SIL1: variants seen among roughly 807,000 people sequenced by gnomAD.
The protein encoded by SIL1 is SIL1 nucleotide exchange factor.
A neutral mutation model predicts 49.1 loss-of-function variants in SIL1; 40 were observed. The observed-to-expected ratio is 0.81, with a 90% CI of 0.63 to 1.06. SIL1 has a LOEUF of 1.06. SIL1 is among the 50% of genes least tolerant of loss of function. The pLI is 0.00. For synonymous variants in SIL1, 253 were observed against 250.8 expected (o/e 1.01, Z -0.08); for missense variants, 500 against 572.6 (o/e 0.87, Z 1.29).
chr5:139,120,006 C>T (rs1295006883), intron 3 of SIL1, among the ~76,000 whole-genome samples: 1 of 152,242 alleles, frequency 6.6e-6, no homozygotes, highest in African/African-American at 2.4e-5. Context: ...ACCTGGCTTC[C>T]TCGGTGCTTC....
chr5:139,071,837 T>C (rs1381594464), intron 3 of SIL1, among the ~76,000 whole-genome samples: 1 of 152,018 alleles, frequency 6.6e-6, no homozygotes, highest in African/African-American at 2.4e-5. Context: ...TGGCTAATTT[T>C]TGTATTTTTA....
intron 1 of SIL1, among the ~76,000 whole-genome samples, chr5:139,161,396 G>T (rs192821126): frequency 2.0e-5 from 3 of 152,338 alleles, no homozygotes; most frequent in Admixed American, 2.0e-4. Context: ...CAGGTTAAAG[G>T]TAACCATGTG....
intron 7 of SIL1, among the ~76,000 whole-genome samples, chr5:138,960,244 G>A (rs1367065086): frequency 1.3e-5 from 2 of 152,076 alleles, no homozygotes; most frequent in Admixed American, 6.6e-5. Context: ...CGTGCCATCT[G>A]TTCCCACATC....
chr5:139,019,171 G>A (rs539843784), intron 7 of SIL1, among the ~76,000 whole-genome samples: 10 of 152,346 alleles, frequency 6.6e-5, no homozygotes, highest in Admixed American at 2.0e-4. Context: ...ACTGTGTTGT[G>A]TATTTGTGCA....
intron 5 of SIL1, chr5:139,036,023 T>G (rs1768902055): frequency 6.6e-6 from 1 of 152,118 alleles, no homozygotes. Context: ...GTTTTTTTCT[T>G]GTAAATTTGT....
At chr5:139,007,469 T>C (rs1408990719) in intron 7 of SIL1, among the ~76,000 whole-genome samples, 33 of 108,932 alleles carry the variant, frequency 3.0e-4, no homozygotes, top group African/African-American at 1.4e-3. Context: ...TCCTGCCTAA[T>C]TGCCCTGGCC....
intron 1 of SIL1, among the ~76,000 whole-genome samples, chr5:139,155,878 G>A (rs1352981771): frequency 1.3e-5 from 2 of 152,024 alleles, no homozygotes; most frequent in African/African-American, 4.8e-5. Context: ...TGTTGCCCAG[G>A]CTGGAGTGCA....
At chr5:139,145,867 T>C (rs770724287) in intron 1 of SIL1, among the ~76,000 whole-genome samples, 142 of 151,756 alleles carry the variant, frequency 9.4e-4, no homozygotes, top group Non-Finnish European at 1.7e-3. Context: ...GAGGCCAGCC[T>C]GGGCAACACA....
intron 1 of SIL1, among the ~76,000 whole-genome samples, chr5:139,130,889 G>A (rs1750849734): frequency 1.3e-5 from 2 of 152,180 alleles, no homozygotes; most frequent in Non-Finnish European, 2.9e-5. Context: ...GATATTGTAT[G>A]ATTCTAATTA....
intron 9 of SIL1, 35 bp downstream of exon 9, chr5:138,951,136 A>C: frequency 6.2e-7 from 1 of 1,605,770 alleles, no homozygotes; most frequent in Non-Finnish European, 8.5e-7. Flanking sequence ...CACACAAAGC[A>C]AACAAGAGGA....
At chr5:139,192,808 A>T (rs2151824158) in intron 1 of SIL1, among the ~76,000 whole-genome samples, 1 of 151,536 alleles carries the variant, frequency 6.6e-6, no homozygotes, top group South Asian at 2.1e-4. Flanking sequence ...GACCAGCCTG[A>T]GCAACACAGT....
intron 3 of SIL1, among the ~76,000 whole-genome samples, chr5:139,098,911 G>A (rs1169636475): frequency 1.4e-5 from 2 of 140,734 alleles, no homozygotes; most frequent in Non-Finnish European, 3.0e-5. Context: ...CTGCCTCCCA[G>A]GTTCAAGTGA....
At chr5:139,008,295 A>C (rs937948182) in intron 7 of SIL1, among the ~76,000 whole-genome samples, 1 of 149,338 alleles carries the variant, frequency 6.7e-6, no homozygotes, top group African/African-American at 2.5e-5. Flanking sequence ...TTTCTGTGGG[A>C]TTGGTGGTGA....
chr5:139,050,338 A>G (rs1410156793), intron 4 of SIL1, among the ~76,000 whole-genome samples: 3 of 152,208 alleles, frequency 2.0e-5, no homozygotes, highest in Non-Finnish European at 2.9e-5. Context: ...AATATCAAGC[A>G]AAGAAAGCAT....
At chr5:138,951,384 T>C in intron 8 of SIL1, 49 bp from the exon 9 acceptor site, 2 of 1,541,916 alleles carry the variant, frequency 1.3e-6, no homozygotes, top group Non-Finnish European at 1.8e-6. Context: ...GAGCTGGACC[T>C]GCCCTGAGGC....
At chr5:138,971,529 A>G (rs1227265010) in intron 7 of SIL1, among the ~76,000 whole-genome samples, 1 of 152,160 alleles carries the variant, frequency 6.6e-6, no homozygotes, top group Non-Finnish European at 1.5e-5. Flanking sequence ...TTTCTCACCA[A>G]CTAACTTGAA....
At position 139,095,265 on chromosome 5, in the gene SIL1, C is replaced by CTTT. The variant is rs1172866470; in HGVS notation, c.244+25767_244+25769dup. On this transcript the variant is annotated intron_variant, in intron 3 of 9. Coordinates refer to ENST00000394817, the MANE Select transcript of SIL1 (RefSeq NM_022464.5). ...TCTATATATATATATTATTGGAATT[C>CTTT]TTTTTTTTTTTTTTTTTTGAGAGCA... is the stretch of plus-strand genomic sequence containing the variant. 5.1e-4 allele frequency among the ~76,000 whole-genome samples: 67 copies of CTTT among 131,814 alleles called. 1 individual carries two copies. The highest frequency in any genetic ancestry group is 1.7e-3 in the African/African-American group (58 of 34,326). 86.5% of individuals were successfully genotyped at this position (131,814 alleles called of 152,430 possible). A position where few individuals can be genotyped will look rare whatever the true frequency, so the allele number is the denominator to read the frequency against.
At chr5:139,063,911 G>A (rs1769646765) in intron 3 of SIL1, among the ~76,000 whole-genome samples, 1 of 152,178 alleles carries the variant, frequency 6.6e-6, no homozygotes. Flanking sequence ...CCACTCATTA[G>A]TCAAATTTAA....
At chr5:139,002,026 C>A (rs1767996897) in intron 7 of SIL1, among the ~76,000 whole-genome samples, 1 of 151,964 alleles carries the variant, frequency 6.6e-6, no homozygotes. Context: ...GCCTGGGCAA[C>A]ATGGTGAAAC....
Sources: gnomAD v4.1 joint callset for allele counts (sites outside exome capture counted in the v4.1 genomes callset) on GRCh38, gnomAD v4.1.1 for gene constraint, MANE v1.5 for transcripts, NCBI Gene and HGNC (gene_info 2026-07-23, HGNC 2026-07-21) for gene names.